The following XKR6 variants were observed in gnomAD, a reference collection of about 807,000 sequenced individuals.
The protein encoded by XKR6 is XK related 6, also known as XK-related protein 6.
In XKR6, 22 loss-of-function variants were observed where a neutral mutation model predicts 56.7. The observed-to-expected ratio is 0.39, with a 90% CI of 0.28 to 0.55. XKR6 has a LOEUF of 0.55. Among genes scored for constraint, XKR6 ranks in the 20% least tolerant of loss-of-function variants. The probability of loss-of-function intolerance (pLI) is 0.66; values close to 1 mark genes in which losing one functional copy is unlikely to be tolerated. For missense variants in XKR6, 852 were observed against 889.0 expected (o/e 0.96, Z 0.53); for synonymous variants, 524 against 387.8 (o/e 1.35, Z -4.13).
chr8:11,009,976 T>G (rs1373224917), intron 1 of XKR6, among the ~76,000 whole-genome samples: 1 of 152,224 alleles, frequency 6.6e-6, no homozygotes, highest in Non-Finnish European at 1.5e-5. Flanking sequence ...ATTGTATTAG[T>G]CTGTTCTCAC....
At chr8:11,050,288 G>T (rs535838270) in intron 1 of XKR6, among the ~76,000 whole-genome samples, 3 of 152,124 alleles carry the variant, frequency 2.0e-5, no homozygotes, top group Non-Finnish European at 4.4e-5. Flanking sequence ...CGAGATCGCG[G>T]CTGATCTCAG....
chr8:11,174,624 G>C (rs58518000), intron 1 of XKR6, among the ~76,000 whole-genome samples: 1 of 152,136 alleles, frequency 6.6e-6, no homozygotes, highest in African/African-American at 2.4e-5. Context: ...TGTGAGGCAA[G>C]GAACAAAGCG....
chr8:11,172,089 G>A (rs1802403754), intron 1 of XKR6, among the ~76,000 whole-genome samples: 3 of 151,686 alleles, frequency 2.0e-5, no homozygotes, highest in Admixed American at 1.3e-4. Context: ...CCCAGTCTCA[G>A]GCCAGATACA....
chr8:10,920,114 T>C (rs973715506), intron 2 of XKR6, among the ~76,000 whole-genome samples: 1 of 151,604 alleles, frequency 6.6e-6, no homozygotes, highest in Non-Finnish European at 1.5e-5. Flanking sequence ...CCTATTAAAG[T>C]GGTAGTCATA....
chr8:10,925,642 C>T (rs1800857932), intron 1 of XKR6, among the ~76,000 whole-genome samples: 1 of 152,224 alleles, frequency 6.6e-6, no homozygotes, highest in African/African-American at 2.4e-5. Context: ...GCAGGCCTGA[C>T]TCATCACTTG....
intron 1 of XKR6, among the ~76,000 whole-genome samples, chr8:10,964,417 C>A (rs987351731): frequency 6.6e-6 from 1 of 152,106 alleles, no homozygotes; most frequent in African/African-American, 2.4e-5. Flanking sequence ...GAACCACTCA[C>A]AAGTGACGTT....
At chr8:11,112,964 C>A (rs1234739301) in intron 1 of XKR6, among the ~76,000 whole-genome samples, 1 of 152,142 alleles carries the variant, frequency 6.6e-6, no homozygotes, top group South Asian at 2.1e-4. Flanking sequence ...CACAGAATTA[C>A]ATGACAACTG....
At chr8:10,905,759 T>A (rs918756897) in intron 2 of XKR6, among the ~76,000 whole-genome samples, 44 of 152,140 alleles carry the variant, frequency 2.9e-4, no homozygotes, top group African/African-American at 1.0e-3. Context: ...CAATGAGTCC[T>A]TTTAGACAGC....
At chr8:11,097,930 AT>A (rs1355431000) in intron 1 of XKR6, among the ~76,000 whole-genome samples, 1 of 151,886 alleles carries the variant, frequency 6.6e-6, no homozygotes, top group African/African-American at 2.4e-5. Context: ...CAAGATGAGA[AT>A]TCACGTGGAA....
chr8:11,192,181 T>C (rs945371201), intron 1 of XKR6, among the ~76,000 whole-genome samples: 6 of 151,428 alleles, frequency 4.0e-5, no homozygotes, highest in Admixed American at 3.3e-4. Context: ...TTTTGTGAGG[T>C]GGAGTCTCGC....
At chr8:11,038,133 G>A (rs1177183057) in intron 1 of XKR6, among the ~76,000 whole-genome samples, 1 of 152,088 alleles carries the variant, frequency 6.6e-6, no homozygotes, top group East Asian at 1.9e-4. Flanking sequence ...AAAGGGGCCG[G>A]TTTTTCTCAT....
intron 2 of XKR6, among the ~76,000 whole-genome samples, chr8:10,917,352 C>G (rs2129114116): frequency 6.6e-6 from 1 of 152,348 alleles, no homozygotes; most frequent in Admixed American, 6.5e-5. Flanking sequence ...CAGCATCTCC[C>G]CCACCTCCAC....
chr8:11,174,378 A>C (rs1211499374), intron 1 of XKR6, among the ~76,000 whole-genome samples: 1 of 152,248 alleles, frequency 6.6e-6, no homozygotes, highest in South Asian at 2.1e-4. Flanking sequence ...ACAGCTGCTC[A>C]ACAGAATGTA....
chr8:10,996,082 G>A (rs1363728767), intron 1 of XKR6, among the ~76,000 whole-genome samples: 2 of 152,136 alleles, frequency 1.3e-5, no homozygotes, highest in Non-Finnish European at 2.9e-5. Flanking sequence ...AGATATAAAT[G>A]GAGAGAGGGA....
intron 1 of XKR6, chr8:11,123,659 AT>A (rs1799589849): frequency 1.2e-5 from 4 of 340,256 alleles, no homozygotes; most frequent in South Asian, 9.4e-5. Context: ...AAATACTCAA[AT>A]ATATCTTTAT....
intron 1 of XKR6, among the ~76,000 whole-genome samples, chr8:11,118,167 C>G (rs1229065556): frequency 6.6e-6 from 1 of 152,158 alleles, no homozygotes; most frequent in African/African-American, 2.4e-5. Context: ...AACCACAATA[C>G]AGTACTACTC....
At chr8:10,975,529 G>A (rs575332368) in intron 1 of XKR6, among the ~76,000 whole-genome samples, 13 of 152,264 alleles carry the variant, frequency 8.5e-5, no homozygotes, top group African/African-American at 2.4e-4. Flanking sequence ...CTGGGCACAC[G>A]GCTGAAAGAA....
chr8:11,148,002 G>C (rs981035257), intron 1 of XKR6, among the ~76,000 whole-genome samples: 35 of 152,044 alleles, frequency 2.3e-4, no homozygotes, highest in Non-Finnish European at 3.2e-4. Context: ...TTGAGGTCAG[G>C]AGTTGGAGGT....
chr8:11,004,411 G>T (rs550583718), intron 1 of XKR6, among the ~76,000 whole-genome samples: 1 of 152,320 alleles, frequency 6.6e-6, no homozygotes, highest in East Asian at 1.9e-4. Context: ...GGCGGAGGTT[G>T]CAGTGAGCCG....
Sources: gnomAD v4.1 joint callset for allele counts (sites outside exome capture counted in the v4.1 genomes callset) on GRCh38, gnomAD v4.1.1 for gene constraint, MANE v1.5 for transcripts, NCBI Gene and HGNC (gene_info 2026-07-23, HGNC 2026-07-21) for gene names.